AK2: variants seen among roughly 807,000 people sequenced by gnomAD.
The protein encoded by AK2 is adenylate kinase 2.
A neutral mutation model predicts 24.6 loss-of-function variants in AK2; 15 were observed. The observed-to-expected ratio is 0.61, with a 90% CI of 0.41 to 0.94. The LOEUF (loss-of-function observed/expected upper bound fraction) is 0.94. AK2 is among the 40% of genes least tolerant of loss of function. The pLI is 0.00. For synonymous variants in AK2, 102 were observed against 114.0 expected (o/e 0.90, Z 0.67); for missense variants, 257 against 304.1 (o/e 0.85, Z 1.15).
chr1:33,019,791 T>C (rs1639417456), intron 4 of AK2: 59 of 1,086,734 alleles, frequency 5.4e-5, no homozygotes, highest in Non-Finnish European at 6.3e-5. Context: ...GGCCATAGTA[T>C]CATTTTAACA....
In AK2 at chr1:33,011,284, G is replaced by C; in HGVS notation, c.*1897C>G. 7.7e-7 allele frequency: 1 copy of C among 1,293,066 alleles called. No individual in the cohort carries two copies. 80.1% of individuals were successfully genotyped at this position (1,293,066 alleles called of 1,614,324 possible). On this transcript the variant is annotated 3_prime_UTR_variant, in exon 6 of 6. Transcript: ENST00000672715. ...CACCCAGAGAAGGATCCCAGACCAG[G>C]CACACATAGCTGACAGTTTTTGTTT...
intron 4 of AK2, chr1:33,020,164 A>G (rs1274328756): frequency 6.6e-7 from 1 of 1,522,752 alleles, no homozygotes; most frequent in Admixed American, 2.0e-5. Context: ...GTTCAATGCT[A>G]TTACAGAGAA....
chr1:33,021,838 C>G, intron 2 of AK2, 135 bp from the exon 3 acceptor site: 1 of 714,402 alleles, frequency 1.4e-6, no homozygotes, highest in Non-Finnish European at 2.5e-6. Context: ...CCCAAAGAAG[C>G]AAAAATAAAA....
At chr1:33,017,694 C>A (rs1639278307) in intron 4 of AK2, among the ~76,000 whole-genome samples, 2 of 152,192 alleles carry the variant, frequency 1.3e-5, no homozygotes, top group Non-Finnish European at 2.9e-5. Flanking sequence ...AGCCACTGAG[C>A]GTGGCTTGGA....
chr1:33,030,120 C>A lies in AK2; in HGVS notation c.94-5553G>T, dbSNP rs558225795. On this transcript the variant is annotated intron_variant, in intron 1 of 5. Coordinates refer to ENST00000672715, the MANE Select transcript of AK2 (RefSeq NM_001625.4). ...TGTTTACGTCCTGCACCACTGCAGA[C>A]AAACTGCTCTTACGCATGGTTCCCA... Among the ~76,000 whole-genome samples the A allele has an allele frequency of 3.9e-3, 587 of 152,382 alleles. 5 individuals are homozygous for A. The highest frequency in any genetic ancestry group is 0.013 in the African/African-American group (554 of 41,588).
rs1638682376 is a variant in AK2, at chr1:33,009,721, T to C, written c.*3460A>G. 1 of 454,144 alleles carries C rather than the reference T, an allele frequency of 2.2e-6. No homozygotes were observed. Among genetic ancestry groups the C allele is most frequent in the African/African-American group, 2.0e-5 (1 of 50,102 alleles). 28.1% of individuals were successfully genotyped at this position (454,144 alleles called of 1,614,324 possible). ...GCTATCTCCACTAGACCAAGCTGCC[T>C]TGTCTCTGGGCTCAAGAGAAGCCTG... On this transcript the variant is annotated 3_prime_UTR_variant, in exon 6 of 6. Coordinates refer to ENST00000672715, the MANE Select transcript of AK2 (RefSeq NM_001625.4).
chr1:33,030,581 C>G (rs1442875243), intron 1 of AK2, among the ~76,000 whole-genome samples: 1 of 152,146 alleles, frequency 6.6e-6, no homozygotes, highest in Non-Finnish European at 1.5e-5. Context: ...CCCCAACTAC[C>G]CCTTCTTCCG....
intron 1 of AK2, among the ~76,000 whole-genome samples, chr1:33,026,041 C>CT (rs1354228895): frequency 6.6e-5 from 10 of 152,218 alleles, no homozygotes; most frequent in Admixed American, 6.5e-5. Context: ...CAGCTCAACA[C>CT]TGGCTTTGCA....
Position 33,012,606 on chromosome 1 carries a change from A to G in AK2, c.*575T>C. 7.7e-7 allele frequency: 1 copy of G among 1,290,724 alleles called. No individual in the cohort carries two copies. The highest frequency in any genetic ancestry group is 1.0e-6 in the Non-Finnish European group (1 of 991,224). 80.0% of individuals were successfully genotyped at this position (1,290,724 alleles called of 1,614,324 possible). On this transcript the variant is annotated 3_prime_UTR_variant, in exon 6 of 6. Transcript: ENST00000672715. Reference sequence around the variant, plus strand: ...AAATCAAAAGTATGGTTAAAGAAGTAAACAGCTGGGCTGGGTGTAGTGGCT... The same window carrying G: ...AAATCAAAAGTATGGTTAAAGAAGTGAACAGCTGGGCTGGGTGTAGTGGCT...
intron 1 of AK2, among the ~76,000 whole-genome samples, chr1:33,028,256 C>T (rs1178840272): frequency 6.6e-6 from 1 of 152,112 alleles, no homozygotes; most frequent in Non-Finnish European, 1.5e-5. Context: ...GTAATCCCAG[C>T]ACTCTAGGAG....
At chr1:33,026,159 G>A (rs759170914) in intron 1 of AK2, among the ~76,000 whole-genome samples, 5 of 152,144 alleles carry the variant, frequency 3.3e-5, no homozygotes, top group East Asian at 1.9e-4. Context: ...TTTAGATCCC[G>A]ATTCCAACAA....
In AK2 at chr1:33,011,305, TG is replaced by T; in HGVS notation, c.*1875del. 7.8e-7 allele frequency: 1 copy of T among 1,290,284 alleles called. No individual in the cohort carries two copies. The highest frequency in any genetic ancestry group is 1.2e-5 in the South Asian group (1 of 80,964). 79.9% of individuals were successfully genotyped at this position (1,290,284 alleles called of 1,614,324 possible). A position where few individuals can be genotyped will look rare whatever the true frequency, so the allele number is the denominator to read the frequency against. ...CCAGGCACACATAGCTGACAGTTTT[TG>T]TTTCACTCCTCTTCCTTGCCCATTC... On this transcript the variant is annotated 3_prime_UTR_variant, in exon 6 of 6. Coordinates refer to ENST00000672715, the MANE Select transcript of AK2 (RefSeq NM_001625.4).
At chr1:33,033,153 CTG>C (rs1370032855) in intron 1 of AK2, among the ~76,000 whole-genome samples, 7 of 141,820 alleles carry the variant, frequency 4.9e-5, no homozygotes, top group African/African-American at 1.8e-4. Context: ...GAGCGAGACT[CTG>C]TCTCAAAAAA....
intron 5 of AK2, 43 bp downstream of exon 5, chr1:33,014,479 G>C: frequency 1.4e-6 from 2 of 1,446,022 alleles, no homozygotes; most frequent in South Asian, 1.1e-5. Flanking sequence ...GTGAAGAAAG[G>C]GGAAGGAAAG....
At chr1:33,027,312 C>G (rs950924773) in intron 1 of AK2, among the ~76,000 whole-genome samples, 1 of 152,034 alleles carries the variant, frequency 6.6e-6, no homozygotes, top group African/African-American at 2.4e-5. Flanking sequence ...AAAGGCTGAC[C>G]AAAACACCAC....
intron 1 of AK2, among the ~76,000 whole-genome samples, chr1:33,035,763 T>C (rs1032601374): frequency 2.0e-5 from 3 of 152,194 alleles, no homozygotes; most frequent in Non-Finnish European, 4.4e-5. Context: ...CTTCAGACTC[T>C]AACTCCATGG....
At position 33,024,443 on chromosome 1, in the gene AK2, A is replaced by G. The variant is rs1639746587; in HGVS notation, c.218T>C (p.Leu73Pro). 6.2e-7 allele frequency: 1 copy of G among 1,613,832 alleles called. No homozygotes were observed. Among genetic ancestry groups the G allele is most frequent in the Non-Finnish European group, 8.5e-7 (1 of 1,180,028 alleles). ...ACTCATTGGTACCACCAAACCTACC[A>G]GTTTCCCAGCATCCATAGTTGCCTT... ...KLKATMDAGK[L>P]VSDEMVVELI... Residue 73 changes from leucine (L) to proline (P), a missense_variant and splice_region_variant, in exon 2 of 6, where the codon CTG becomes CCG. Transcript: ENST00000672715.
chr1:33,029,965 C>T (rs144657161), intron 1 of AK2, among the ~76,000 whole-genome samples: 67 of 152,290 alleles, frequency 4.4e-4, no homozygotes, highest in African/African-American at 1.4e-3. Flanking sequence ...ATACACATTC[C>T]GAAGCCTTCA....
rs1247476593 is a variant in AK2, at chr1:33,008,508, G to A, written c.*4673C>T. 2.2e-6 allele frequency: 1 copy of A among 453,962 alleles called. No homozygotes were observed. Among genetic ancestry groups the A allele is most frequent in the Non-Finnish European group, 4.4e-6 (1 of 226,796 alleles). 28.1% of individuals were successfully genotyped at this position (453,962 alleles called of 1,614,324 possible). On this transcript the variant is annotated 3_prime_UTR_variant, in exon 6 of 6. Coordinates refer to ENST00000672715, the MANE Select transcript of AK2 (RefSeq NM_001625.4). The stretch of plus-strand genomic sequence containing the variant: ...AGTTCCGGCAGCGCTGAGTGTCCAT[G>A]GAAAAGAGCTCTTATTCAGAGCAGC...
Sources: gnomAD v4.1 joint callset for allele counts (sites outside exome capture counted in the v4.1 genomes callset) on GRCh38, gnomAD v4.1.1 for gene constraint, MANE v1.5 for transcripts, NCBI Gene and HGNC (gene_info 2026-07-23, HGNC 2026-07-21) for gene names.